Variants in SPIDR observed in about 807,000 individuals in gnomAD.
The protein encoded by SPIDR is DNA repair-scaffolding protein.
In SPIDR, 93 loss-of-function variants were observed where a neutral mutation model predicts 104.6. The observed-to-expected ratio is 0.89, with a 90% CI of 0.75 to 1.06. The LOEUF (loss-of-function observed/expected upper bound fraction) is 1.06, where lower values mean the gene tolerates loss of function less well. Among genes scored for constraint, SPIDR ranks in the 50% least tolerant of loss-of-function variants. SPIDR has a pLI of 0.00. For synonymous variants in SPIDR, 431 were observed against 416.9 expected (o/e 1.03, Z -0.41); for missense variants, 1,154 against 1,111.2 (o/e 1.04, Z -0.55).
chr8:47,733,902 T>A (rs1165540727), intron 19 of SPIDR, among the ~76,000 whole-genome samples: 1 of 152,084 alleles, frequency 6.6e-6, no homozygotes, highest in Non-Finnish European at 1.5e-5. Flanking sequence ...ACTTTATTCT[T>A]TTTCACCAAG....
At chr8:47,693,385 G>A (rs1390897019) in intron 11 of SPIDR, among the ~76,000 whole-genome samples, 1 of 152,204 alleles carries the variant, frequency 6.6e-6, no homozygotes, top group African/African-American at 2.4e-5. Flanking sequence ...AGAAATCAGG[G>A]CTCATGAAAA....
At position 47,440,529 on chromosome 8, in the gene SPIDR, A is replaced by T; in HGVS notation, c.1084A>T (p.Ile362Phe). The change falls in exon 8 of 20, where the codon ATC becomes TTC. Residue 362 changes from isoleucine to phenylalanine, a missense_variant. Physicochemically the swap from Ile to Phe is conservative, Grantham distance 21. Transcript: ENST00000297423. ...LRGRPQDTVR[I>F]FPPWQKLIIP... Reference sequence around the variant, plus strand: ...GGGCCGTCCCCAGGACACTGTCCGGATCTTCCCTCCCTGGTGAGTGCGCAG... The same window carrying T: ...GGGCCGTCCCCAGGACACTGTCCGGTTCTTCCCTCCCTGGTGAGTGCGCAG... 1 of 1,613,964 alleles carries T rather than the reference A, an allele frequency of 6.2e-7. No homozygotes were observed. The highest frequency in any genetic ancestry group is 8.5e-7 in the Non-Finnish European group (1 of 1,179,888).
At chr8:47,558,562 G>A (rs1434902310) in intron 8 of SPIDR, among the ~76,000 whole-genome samples, 1 of 152,078 alleles carries the variant, frequency 6.6e-6, no homozygotes. Context: ...TAATGGGTAA[G>A]TTAAGGTTAC....
rs550046643 is a variant in SPIDR, at chr8:47,655,552, G to A, written c.1545-18249G>A. Among the ~76,000 whole-genome samples, 46 of 152,216 alleles carry A rather than the reference G, an allele frequency of 3.0e-4. 1 individual carries two copies. Among genetic ancestry groups the A allele is most frequent in the Admixed American group, 1.7e-3 (26 of 15,290 alleles). On this transcript the variant is annotated intron_variant, in intron 10 of 19. Coordinates refer to ENST00000297423, the MANE Select transcript of SPIDR (RefSeq NM_001080394.4). ...TGAGAAGTGTCTGTTCATATCCTTC[G>A]CCCACTTTTTGATGGGGTTGTTTGT... is the stretch of plus-strand genomic sequence containing the variant.
intron 5 of SPIDR, among the ~76,000 whole-genome samples, chr8:47,337,161 T>G (rs1202143066): frequency 2.0e-5 from 3 of 152,174 alleles, no homozygotes; most frequent in African/African-American, 7.2e-5. Flanking sequence ...AGAGTCTTGC[T>G]CTATCACCCA....
chr8:47,452,588 A>G (rs1163136819), intron 8 of SPIDR, among the ~76,000 whole-genome samples: 1 of 152,224 alleles, frequency 6.6e-6, no homozygotes, highest in East Asian at 1.9e-4. Context: ...AATCCAGCAT[A>G]TAAACAGAAC....
At chr8:47,286,889 C>G (rs1406982636) in intron 3 of SPIDR, among the ~76,000 whole-genome samples, 1 of 152,148 alleles carries the variant, frequency 6.6e-6, no homozygotes, top group Admixed American at 6.5e-5. Flanking sequence ...CTTTCATGTT[C>G]TTTTGAAGTC....
At chr8:47,334,805 T>C (rs1278498994) in intron 5 of SPIDR, among the ~76,000 whole-genome samples, 2 of 152,190 alleles carry the variant, frequency 1.3e-5, no homozygotes, top group East Asian at 3.8e-4. Flanking sequence ...GGTTTCTATT[T>C]GTTGTTCTTG....
chr8:47,323,236 C>A (rs782718542), intron 5 of SPIDR, among the ~76,000 whole-genome samples: 10 of 152,006 alleles, frequency 6.6e-5, no homozygotes, highest in Admixed American at 1.3e-4. Context: ...TAAAAAATTT[C>A]TGGTCGAAAT....
chr8:47,439,217 G>A (rs1281642378), intron 7 of SPIDR, among the ~76,000 whole-genome samples: 2 of 152,064 alleles, frequency 1.3e-5, no homozygotes, highest in Non-Finnish European at 2.9e-5. Context: ...AACCCTCTGG[G>A]TTCCCCTCCT....
At chr8:47,433,172 A>G (rs900970490) in intron 7 of SPIDR, among the ~76,000 whole-genome samples, 2 of 152,048 alleles carry the variant, frequency 1.3e-5, no homozygotes, top group African/African-American at 4.8e-5. Flanking sequence ...AACAAGTTCT[A>G]TTGGCTCTAC....
At chr8:47,390,262 G>A (rs2060423745) in intron 5 of SPIDR, among the ~76,000 whole-genome samples, 2 of 152,132 alleles carry the variant, frequency 1.3e-5, no homozygotes, top group Non-Finnish European at 2.9e-5. Flanking sequence ...CTGGGCTAGT[G>A]TATACCACTG....
At chr8:47,366,541 A>G (rs1554634666) in intron 5 of SPIDR, among the ~76,000 whole-genome samples, 1 of 152,220 alleles carries the variant, frequency 6.6e-6, no homozygotes, top group Admixed American at 6.5e-5. Context: ...CAGAGTGGCG[A>G]GGAAGGGCAA....
intron 8 of SPIDR, among the ~76,000 whole-genome samples, chr8:47,556,361 A>G (rs1336410903): frequency 6.6e-6 from 1 of 152,162 alleles, no homozygotes; most frequent in Non-Finnish European, 1.5e-5. Context: ...ATTCTACTCT[A>G]GAGACACTGG....
chr8:47,594,196 C>CAAA (rs372928071), intron 8 of SPIDR, among the ~76,000 whole-genome samples: 20 of 53,576 alleles, frequency 3.7e-4, no homozygotes, highest in East Asian at 7.8e-4. Flanking sequence ...CCAGTCTCTA[C>CAAA]AAAAAAAAAA....
intron 8 of SPIDR, among the ~76,000 whole-genome samples, chr8:47,525,254 C>A (rs904763482): frequency 6.6e-6 from 1 of 152,220 alleles, no homozygotes; most frequent in Admixed American, 6.5e-5. Context: ...AGTTCATTTA[C>A]ATGTTGTGCC....
At chr8:47,389,914 ACACATAGATCCAGATG>A (rs1182377506) in intron 5 of SPIDR, among the ~76,000 whole-genome samples, 1 of 152,108 alleles carries the variant, frequency 6.6e-6, no homozygotes, top group Non-Finnish European at 1.5e-5. Flanking sequence ...TCTCTATGGA[ACACATAGATCCAGATG>A]ATTGAAAAAT....
intron 14 of SPIDR, among the ~76,000 whole-genome samples, chr8:47,709,838 A>G (rs1264710349): frequency 1.3e-5 from 2 of 151,824 alleles, no homozygotes; most frequent in African/African-American, 4.8e-5. Context: ...AGAACCTCCA[A>G]CCTCAGATAA....
intron 5 of SPIDR, among the ~76,000 whole-genome samples, chr8:47,322,113 A>G (rs568826686): frequency 2.6e-5 from 4 of 152,342 alleles, no homozygotes; most frequent in African/African-American, 9.6e-5. Context: ...ATTAAACGAA[A>G]GAGCTTCTGC....
Sources: gnomAD v4.1 joint callset for allele counts (sites outside exome capture counted in the v4.1 genomes callset) on GRCh38, gnomAD v4.1.1 for gene constraint, MANE v1.5 for transcripts, NCBI Gene and HGNC (gene_info 2026-07-23, HGNC 2026-07-21) for gene names.